ASTN2: variants seen among roughly 807,000 people sequenced by gnomAD.
The protein encoded by ASTN2 is astrotactin-2.
In ASTN2, 54 loss-of-function variants were observed where a neutral mutation model predicts 139.8. The ratio of observed to expected loss-of-function variants is 0.39; its 90% CI spans 0.31 to 0.48. The LOEUF is 0.48. Ranked by LOEUF, ASTN2 falls within the 20% of genes least tolerant of loss-of-function variation. The pLI is 0.95. For missense variants in ASTN2, 1,565 were observed against 1,725.1 expected (o/e 0.91, Z 1.64); for synonymous variants, 756 against 719.5 (o/e 1.05, Z -0.81).
chr9:116,745,353 G>C (rs1449743821), intron 13 of ASTN2, among the ~76,000 whole-genome samples: 2 of 152,290 alleles, frequency 1.3e-5, no homozygotes, highest in Non-Finnish European at 2.9e-5. Context: ...GGCAGCAGCT[G>C]TATTTGTTTC....
intron 19 of ASTN2, among the ~76,000 whole-genome samples, chr9:116,613,963 A>G (rs1855695342): frequency 6.6e-6 from 1 of 152,210 alleles, no homozygotes; most frequent in South Asian, 2.1e-4. Context: ...ACATGATTGT[A>G]TATTTAGAAA....
intron 3 of ASTN2, among the ~76,000 whole-genome samples, chr9:117,155,958 G>C (rs1000823961): frequency 6.6e-6 from 1 of 151,954 alleles, no homozygotes; most frequent in African/African-American, 2.4e-5. Flanking sequence ...GGAGTGTGTT[G>C]ACAGATGAGT....
intron 15 of ASTN2, among the ~76,000 whole-genome samples, chr9:116,728,722 A>C (rs1242106648): frequency 6.6e-6 from 1 of 152,100 alleles, no homozygotes; most frequent in African/African-American, 2.4e-5. Context: ...CACCCTACTC[A>C]GATACCTTTT....
intron 20 of ASTN2, among the ~76,000 whole-genome samples, chr9:116,473,834 G>A (rs755198711): frequency 2.0e-5 from 3 of 152,112 alleles, no homozygotes; most frequent in Middle Eastern, 3.4e-3. Context: ...CCCAGGAAGC[G>A]GAGGTTGCAG....
chr9:117,098,983 G>A lies in ASTN2; in HGVS notation c.1169-2832C>T, dbSNP rs144311856. Among the ~76,000 whole-genome samples, 842 of 151,570 alleles carry A rather than the reference G, an allele frequency of 5.6e-3. 10 individuals carry two copies. Among genetic ancestry groups the A allele is most frequent in the African/African-American group, 0.017 (707 of 41,334 alleles). ...ATTAGCCGGGTGTGGCAGCATGTAC[G>A]TGTAATCCCAGCTACTTGGAGGCTG... On this transcript the variant is annotated intron_variant, in intron 4 of 22. Transcript: ENST00000313400.
Position 116,805,689 on chromosome 9 carries a change from C to A in ASTN2, c.2339G>T (p.Gly780Val). 1 of 1,613,944 alleles carries A rather than the reference C, an allele frequency of 6.2e-7. No individual in the cohort carries two copies. The highest frequency in any genetic ancestry group is 8.5e-7 in the Non-Finnish European group (1 of 1,179,856). ...CACATGCTGGGTCCGGTTGTTGTAA[C>A]CATGTAGCATCTCTCCAAAGAGGGT... ...NDTLFGEMLH[G>V]YNNRTQHVNQ... Residue 780 changes from glycine (G) to valine (V), a missense_variant, in exon 13 of 23, where the codon GGT (glycine) becomes GTT (valine). Physicochemically the swap from Gly to Val is moderately radical, Grantham distance 109. This residue lies in a region of ASTN2 where 503 missense variants were observed against 591.7 expected (regional missense o/e 0.85). Coordinates refer to ENST00000313400, the MANE Select transcript of ASTN2 (RefSeq NM_001365068.1).
intron 1 of ASTN2, among the ~76,000 whole-genome samples, chr9:117,350,480 G>C (rs575730089): frequency 2.1e-4 from 32 of 152,016 alleles, no homozygotes; most frequent in African/African-American, 2.7e-4. Context: ...AAGCTGATAG[G>C]GGGGTGGTGG....
intron 5 of ASTN2, among the ~76,000 whole-genome samples, chr9:117,071,389 C>G (rs1346052193): frequency 6.6e-6 from 1 of 151,502 alleles, no homozygotes; most frequent in Non-Finnish European, 1.5e-5. Context: ...CAGCTGCGTG[C>G]TGGGAGAACC....
chr9:116,699,782 C>T lies in ASTN2; in HGVS notation c.2806+25989G>A. The T allele has an allele frequency of 6.3e-7, 1 of 1,589,280 alleles. No individual in the cohort carries two copies. Among genetic ancestry groups the T allele is most frequent in the Non-Finnish European group, 8.6e-7 (1 of 1,159,178 alleles). The stretch of plus-strand genomic sequence containing the variant: ...AGTTCTTGGTTGTTAGTGGCACATG[C>T]AGAATAGACTCAGCCTATGTCCTGA... On this transcript the variant is annotated intron_variant, in intron 16 of 22. Transcript: ENST00000313400. The surrounding 1 kb of genome is among the most constrained non-coding windows in gnomAD (Gnocchi z 4.2).
At chr9:116,842,102 G>A (rs1403459124) in intron 11 of ASTN2, among the ~76,000 whole-genome samples, 1 of 152,186 alleles carries the variant, frequency 6.6e-6, no homozygotes, top group Admixed American at 6.5e-5. Flanking sequence ...ACTGGCTAGT[G>A]TAACACAGAG....
At chr9:116,676,900 T>C (rs995165319) in intron 16 of ASTN2, among the ~76,000 whole-genome samples, 4 of 152,240 alleles carry the variant, frequency 2.6e-5, no homozygotes, top group African/African-American at 4.8e-5. Flanking sequence ...CTGAACTACC[T>C]TGTGGAAATT....
intron 7 of ASTN2, among the ~76,000 whole-genome samples, chr9:116,978,462 CTGTATGTA>C: frequency 6.7e-6 from 1 of 149,918 alleles, no homozygotes; most frequent in African/African-American, 2.5e-5. Context: ...GTATCTCTCT[CTGTATGTA>C]TCTCTCTCTC....
At chr9:116,436,339 T>C (rs553053713) in intron 22 of ASTN2, among the ~76,000 whole-genome samples, 13 of 152,160 alleles carry the variant, frequency 8.5e-5, no homozygotes, top group African/African-American at 9.6e-5. Context: ...TGGAGGGGCA[T>C]AGAAGAGGAG....
intron 5 of ASTN2, among the ~76,000 whole-genome samples, chr9:117,041,053 C>CG (rs894899414): frequency 9.9e-5 from 15 of 151,972 alleles, no homozygotes; most frequent in Non-Finnish European, 1.8e-4. Context: ...GCAGAGAGTA[C>CG]GGGGGGTGGT....
intron 13 of ASTN2, among the ~76,000 whole-genome samples, chr9:116,777,115 T>C (rs1830103939): frequency 6.6e-6 from 1 of 152,144 alleles, no homozygotes; most frequent in African/African-American, 2.4e-5. Flanking sequence ...CAAATCTGGT[T>C]GGACAATGGA....
intron 16 of ASTN2, among the ~76,000 whole-genome samples, chr9:116,695,093 T>C (rs1191860150): frequency 6.6e-6 from 1 of 152,152 alleles, no homozygotes; most frequent in East Asian, 1.9e-4. Context: ...AAGGGAACAT[T>C]AGTTAATCAT....
intron 1 of ASTN2, among the ~76,000 whole-genome samples, chr9:117,382,927 A>C (rs891361384): frequency 6.6e-6 from 1 of 152,220 alleles, no homozygotes; most frequent in Non-Finnish European, 1.5e-5. Flanking sequence ...GTCAGAAACA[A>C]AAGAATGAAT....
intron 13 of ASTN2, among the ~76,000 whole-genome samples, chr9:116,756,647 C>T (rs1011835811): frequency 5.3e-5 from 8 of 151,992 alleles, no homozygotes; most frequent in African/African-American, 1.9e-4. Flanking sequence ...CCCCCAACTC[C>T]CTTCCACTAG....
chr9:116,884,709 T>C (rs1452865951), intron 10 of ASTN2, among the ~76,000 whole-genome samples: 1 of 151,880 alleles, frequency 6.6e-6, no homozygotes, highest in Non-Finnish European at 1.5e-5. Flanking sequence ...GCTAGCCATC[T>C]TTGGCGTTTT....
Sources: allele counts gnomAD v4.1 joint callset (sites outside exome capture counted in the v4.1 genomes callset), GRCh38; gene constraint gnomAD v4.1.1; regional missense constraint gnomAD v4.1.1; non-coding constraint Gnocchi (gnomAD v3.1); transcripts MANE v1.5; gene names NCBI Gene and HGNC (gene_info 2026-07-23, HGNC 2026-07-21).